Variants in FHOD3 observed in about 807,000 individuals in gnomAD.
The protein encoded by FHOD3 is FH1/FH2 domain-containing protein 3.
Under a neutral mutation model 173.0 loss-of-function variants are expected in FHOD3, and 90 were observed. The ratio of observed to expected loss-of-function variants is 0.52; its 90% CI spans 0.44 to 0.62. FHOD3 has a LOEUF of 0.62. Among genes scored for constraint, FHOD3 ranks in the 20% least tolerant of loss-of-function variants. The pLI, the probability that FHOD3 is intolerant of heterozygous loss-of-function variation, is 0.00. For missense variants in FHOD3, 1,945 were observed against 2,034.7 expected (o/e 0.96, Z 0.85); for synonymous variants, 828 against 823.0 (o/e 1.01, Z -0.10).
At chr18:36,363,282 A>G (rs577280836) in intron 2 of FHOD3, among the ~76,000 whole-genome samples, 1 of 152,352 alleles carries the variant, frequency 6.6e-6, no homozygotes, top group East Asian at 1.9e-4. Flanking sequence ...CAATTTGGCA[A>G]TCGTGCTTCT....
intron 3 of FHOD3, among the ~76,000 whole-genome samples, chr18:36,487,066 G>T (rs1371919351): frequency 2.0e-5 from 3 of 152,160 alleles, no homozygotes; most frequent in Non-Finnish European, 4.4e-5. Context: ...GTTGTTTCCA[G>T]TAGGGTGTTT....
chr18:36,484,701 A>C (rs1179871433), intron 3 of FHOD3, among the ~76,000 whole-genome samples: 1 of 152,108 alleles, frequency 6.6e-6, no homozygotes, highest in Non-Finnish European at 1.5e-5. Context: ...ACGGGTGTGC[A>C]TGTCTCTTCC....
intron 1 of FHOD3, among the ~76,000 whole-genome samples, chr18:36,331,256 G>A (rs1013860288): frequency 3.9e-5 from 6 of 152,204 alleles, no homozygotes; most frequent in African/African-American, 4.8e-5. Flanking sequence ...ATTCAAGAGG[G>A]GGGTTTTAGT....
intron 19 of FHOD3, among the ~76,000 whole-genome samples, chr18:36,720,447 A>G (rs1260535790): frequency 6.6e-6 from 1 of 151,964 alleles, no homozygotes; most frequent in Non-Finnish European, 1.5e-5. Flanking sequence ...CATGTTGGCC[A>G]GGCTGGTCTC....
intron 1 of FHOD3, among the ~76,000 whole-genome samples, chr18:36,310,308 T>C (rs1008466336): frequency 3.3e-5 from 5 of 152,150 alleles, no homozygotes; most frequent in African/African-American, 4.8e-5. Context: ...AAGTAAGGCA[T>C]AAACATAATG....
chr18:36,561,750 T>G (rs2058088849), intron 5 of FHOD3, among the ~76,000 whole-genome samples: 1 of 152,174 alleles, frequency 6.6e-6, no homozygotes, highest in African/African-American at 2.4e-5. Flanking sequence ...TTTTTCTTTG[T>G]ACACTATCAA....
chr18:36,520,618 A>G (rs1438127042), intron 5 of FHOD3, among the ~76,000 whole-genome samples: 2 of 152,258 alleles, frequency 1.3e-5, no homozygotes, highest in East Asian at 1.9e-4. Context: ...TGCAAACCAA[A>G]AAAAGCCCTG....
chr18:36,605,146 C>T (rs1234463693), intron 8 of FHOD3, among the ~76,000 whole-genome samples: 1 of 152,136 alleles, frequency 6.6e-6, no homozygotes, highest in Non-Finnish European at 1.5e-5. Context: ...TGATTTGAAG[C>T]AATTTTCTGT....
chr18:36,346,141 G>A (rs2045869812), intron 1 of FHOD3, among the ~76,000 whole-genome samples: 1 of 152,190 alleles, frequency 6.6e-6, no homozygotes, highest in South Asian at 2.1e-4. Flanking sequence ...TGAGGAAGAA[G>A]GTTTGCCTGA....
intron 2 of FHOD3, among the ~76,000 whole-genome samples, chr18:36,369,991 T>G (rs1360581178): frequency 6.6e-6 from 1 of 152,174 alleles, no homozygotes; most frequent in Non-Finnish European, 1.5e-5. Context: ...TTTGTTTTCC[T>G]CATCTGCAAA....
chr18:36,419,907 C>G (rs1162840931), intron 3 of FHOD3, among the ~76,000 whole-genome samples: 3 of 152,250 alleles, frequency 2.0e-5, no homozygotes, highest in African/African-American at 7.2e-5. Context: ...GGAGCATGGT[C>G]TACTGGGCAG....
intron 10 of FHOD3, among the ~76,000 whole-genome samples, chr18:36,626,771 GT>G (rs1435106216): frequency 3.9e-5 from 6 of 152,220 alleles, no homozygotes; most frequent in Non-Finnish European, 5.9e-5. Context: ...CTCAGAATAA[GT>G]TGGATGACCT....
intron 7 of FHOD3, among the ~76,000 whole-genome samples, chr18:36,598,363 A>C (rs966831792): frequency 2.6e-5 from 4 of 152,222 alleles, no homozygotes; most frequent in African/African-American, 9.7e-5. Context: ...TGTCCAGAAC[A>C]AATTCCTTTG....
intron 9 of FHOD3, among the ~76,000 whole-genome samples, chr18:36,614,840 ATTTT>A (rs751719654): frequency 0.02 from 1,731 of 86,074 alleles, 22 homozygotes; most frequent in African/African-American, 0.08. Context: ...TTTTTAATTG[ATTTT>A]TTTTTTTTTT....
chr18:36,591,374 G>T (rs1406197603), intron 6 of FHOD3, among the ~76,000 whole-genome samples: 1 of 152,152 alleles, frequency 6.6e-6, no homozygotes, highest in African/African-American at 2.4e-5. Flanking sequence ...GGCGGAGGCG[G>T]GGCTTGGCTT....
intron 17 of FHOD3, among the ~76,000 whole-genome samples, chr18:36,698,018 A>G (rs2039384588): frequency 6.6e-6 from 1 of 152,180 alleles, no homozygotes; most frequent in Non-Finnish European, 1.5e-5. Context: ...CACGGTAGCA[A>G]TGGAATATTG....
In FHOD3 at chr18:36,569,320, G is replaced by A. The variant is rs2058377472; in HGVS notation, c.512-7131G>A. ...AACACTAATCAAAAGAAGGTGAAGTGACTATATTAATTATTAGAAGAAGTA... is the reference window on the plus strand; with the variant it reads ...AACACTAATCAAAAGAAGGTGAAGTAACTATATTAATTATTAGAAGAAGTA... On this transcript the variant is annotated intron_variant, in intron 5 of 28. Coordinates refer to ENST00000590592, the MANE Select transcript of FHOD3 (RefSeq NM_001281740.3). Among the ~76,000 whole-genome samples the A allele has an allele frequency of 2.0e-5, 3 of 152,190 alleles. No homozygotes were observed. The South Asian group carries it at 6.2e-4, about 32-fold the overall frequency.
Position 36,680,859 on chromosome 18 carries a change from A to G in FHOD3, c.1836-577A>G, listed in dbSNP as rs1167932835. On this transcript the variant is annotated intron_variant, in intron 14 of 28. Transcript: ENST00000590592. ...AATTATTCTAAAGAAGTGTATTGTG[A>G]GACTGATATATAGTAAAATATTTTT... is the stretch of plus-strand genomic sequence containing the variant. 2.0e-5 allele frequency among the ~76,000 whole-genome samples: 3 copies of G among 152,244 alleles called. No homozygotes were observed. In the East Asian group the frequency reaches 5.8e-4, roughly 29 times the overall value.
At chr18:36,540,776 G>T (rs1401073958) in intron 5 of FHOD3, among the ~76,000 whole-genome samples, 1 of 152,122 alleles carries the variant, frequency 6.6e-6, no homozygotes, top group Non-Finnish European at 1.5e-5. Context: ...AATCCATCTG[G>T]CATCTCTGCT....
Sources: allele counts gnomAD v4.1 joint callset (sites outside exome capture counted in the v4.1 genomes callset), GRCh38; gene constraint gnomAD v4.1.1; transcripts MANE v1.5; gene names NCBI Gene and HGNC (gene_info 2026-07-23, HGNC 2026-07-21).